APOBEC3D: variants seen among roughly 807,000 people sequenced by gnomAD.
The protein encoded by APOBEC3D is apolipoprotein B mRNA editing enzyme catalytic subunit 3D.
A neutral mutation model predicts 45.6 loss-of-function variants in APOBEC3D; 37 were observed. The ratio of observed to expected loss-of-function variants is 0.81; its 90% CI spans 0.62 to 1.07. The LOEUF (loss-of-function observed/expected upper bound fraction) is 1.07, where lower values mean the gene tolerates loss of function less well. Among genes scored for constraint, APOBEC3D ranks in the 50% least tolerant of loss-of-function variants. The pLI is 0.00. For synonymous variants in APOBEC3D, 175 were observed against 180.7 expected (o/e 0.97, Z 0.25); for missense variants, 496 against 495.3 (o/e 1.00, Z -0.01).
In APOBEC3D at chr22:39,031,981, G is replaced by GT. The variant is rs1211145906; in HGVS notation, c.1042+9dup. 75 of 1,613,924 alleles carry GT rather than the reference G, an allele frequency of 4.6e-5. No homozygotes were observed. The highest frequency in any genetic ancestry group is 2.0e-4 in the South Asian group (18 of 91,082). On this transcript the variant is annotated intron_variant, in intron 6 of 6. Transcript: ENST00000216099. The stretch of plus-strand genomic sequence containing the variant: ...AGATCATGGGCTACAAAGGTGAGAC[G>GT]TGGGGGGCTGAGGAGAGTGGGTGCG...
chr22:39,021,571 G>A (rs374324581), intron 1 of APOBEC3D, 35 bp downstream of exon 1: 9 of 1,611,528 alleles, frequency 5.6e-6, no homozygotes, highest in African/African-American at 4.1e-5. Context: ...GGGCCCCTCC[G>A]GCCCCTTCCT....
rs1244650978 is a variant in APOBEC3D, at chr22:39,033,133, C to T, written c.*817C>T. On this transcript the variant is annotated 3_prime_UTR_variant, in exon 7 of 7. Transcript: ENST00000216099. ...TTGGGAGGATGAAGTGGGAGGACTG[C>T]TTGAGCCGGGGAGGTGGAGGCTGGA... The T allele has an allele frequency of 3.0e-6, 1 of 337,516 alleles. No homozygotes were observed. The highest frequency in any genetic ancestry group is 1.7e-4 in the East Asian group (1 of 5,972). 20.9% of individuals were successfully genotyped at this position (337,516 alleles called of 1,614,324 possible).
chr22:39,031,809 G>T lies in APOBEC3D; in HGVS notation c.878G>T (p.Cys293Phe), dbSNP rs769481115. Reference sequence around the variant, plus strand: ...ACCTGGTACACATCTTGGAGCCCTTGCCCAGAGTGTGCAGGGGAGGTGGCC... The same window carrying T: ...ACCTGGTACACATCTTGGAGCCCTTTCCCAGAGTGTGCAGGGGAGGTGGCC... Reference protein sequence around the residue: ...EVTWYTSWSPCPECAGEVAEF... With the variant: ...EVTWYTSWSPFPECAGEVAEF... The change falls in exon 6 of 7, where the codon TGC becomes TTC. Residue 293 changes from cysteine to phenylalanine, a missense_variant. Coordinates refer to ENST00000216099, the MANE Select transcript of APOBEC3D (RefSeq NM_152426.4). 1.3e-5 allele frequency: 21 copies of T among 1,614,030 alleles called. No individual in the cohort carries two copies. The highest frequency in any genetic ancestry group is 2.7e-5 in the African/African-American group (2 of 74,916).
At chr22:39,023,449 CTTTT>C (rs202241274) in intron 2 of APOBEC3D, among the ~76,000 whole-genome samples, 1 of 133,910 alleles carries the variant, frequency 7.5e-6, no homozygotes, top group African/African-American at 2.8e-5. Flanking sequence ...TTCTTTCTTT[CTTTT>C]TTTTTTTTTT....
chr22:39,026,312 T>A (rs1925660396), intron 4 of APOBEC3D, among the ~76,000 whole-genome samples: 1 of 152,050 alleles, frequency 6.6e-6, no homozygotes, highest in Non-Finnish European at 1.5e-5. Flanking sequence ...ACTCCTGGGG[T>A]CTCTCTGCCT....
Position 39,032,399 on chromosome 22 carries a change from G to C in APOBEC3D, c.*83G>C, listed in dbSNP as rs1601478675. The C allele has an allele frequency of 4.5e-6, 7 of 1,566,284 alleles. No homozygotes were observed. The East Asian group carries it at 1.6e-4, about 35-fold the overall frequency. On this transcript the variant is annotated 3_prime_UTR_variant, in exon 7 of 7. Transcript: ENST00000216099. ...GCCTCCCCTCCATCCTGCACCAGCT[G>C]TGCTTTTGCCTGGTCATCCTGAGCC...
chr22:39,025,598 C>T lies in APOBEC3D; in HGVS notation c.532C>T (p.Gln178Ter). The part of the protein sequence containing the change: ...CWENFVCNEG[Q>*]PFMPWYKFDD... Reference sequence around the variant, plus strand: ...GGAAAACTTTGTGTGCAATGAAGGTCAGCCATTCATGCCTTGGTACAAATT... The same window carrying T: ...GGAAAACTTTGTGTGCAATGAAGGTTAGCCATTCATGCCTTGGTACAAATT... Residue 178 changes from glutamine to a stop codon, truncating the protein, a stop_gained, in exon 4 of 7, where the codon CAG (glutamine) becomes TAG (stop). Transcript: ENST00000216099. LOFTEE classifies it high-confidence loss of function. The T allele has an allele frequency of 6.2e-7, 1 of 1,614,118 alleles. No individual in the cohort carries two copies. Among genetic ancestry groups the T allele is most frequent in the Non-Finnish European group, 8.5e-7 (1 of 1,180,000 alleles).
intron 5 of APOBEC3D, among the ~76,000 whole-genome samples, chr22:39,030,069 G>A (rs541607890): frequency 1.0e-3 from 153 of 150,900 alleles, no homozygotes; most frequent in African/African-American, 3.6e-3. Flanking sequence ...GGAGCTGTGC[G>A]TCCGGCAGTC....
chr22:39,031,890 G>A lies in APOBEC3D; in HGVS notation c.959G>A (p.Cys320Tyr), dbSNP rs61999342. ...CTCACCATCTTCACCGCCCGCCTCT[G>A]CTACTTCTGGGATACAGATTACCAG... The part of the protein sequence containing the change: ...VNLTIFTARL[C>Y]YFWDTDYQEG... The change falls in exon 6 of 7, where the codon TGC (cysteine) becomes TAC (tyrosine). Residue 320 changes from cysteine (C) to tyrosine (Y), a missense_variant. Physicochemically the swap from Cys to Tyr is radical, Grantham distance 194. Coordinates refer to ENST00000216099, the MANE Select transcript of APOBEC3D (RefSeq NM_152426.4). 203 of 1,614,096 alleles carry A rather than the reference G, an allele frequency of 1.3e-4. No homozygotes were observed. In the African/African-American group the frequency reaches 1.7e-3, roughly 13 times the overall value.
chr22:39,027,959 C>G (rs1471910665), intron 4 of APOBEC3D, among the ~76,000 whole-genome samples: 1 of 152,238 alleles, frequency 6.6e-6, no homozygotes, highest in African/African-American at 2.4e-5. Context: ...CATTCCTGAG[C>G]TCAGGAACTG....
Position 39,025,290 on chromosome 22 carries a change from G to T in APOBEC3D, c.431G>T (p.Arg144Leu), listed in dbSNP as rs553533578. The T allele has an allele frequency of 6.2e-7, 1 of 1,613,986 alleles. No individual in the cohort carries two copies. The highest frequency in any genetic ancestry group is 8.5e-7 in the Non-Finnish European group (1 of 1,180,020). Residue 144 changes from arginine to leucine, a missense_variant, in exon 3 of 7, where the codon CGG (arginine) becomes CTG (leucine). Transcript: ENST00000216099. ...TACTACTACCGGGATAGAGATTGGC[G>T]GTGGGTGCTCCTCAGGCTGCATAAG... ...RLYYYRDRDWRWVLLRLHKAG... is the reference protein window; with the variant it reads ...RLYYYRDRDWLWVLLRLHKAG...
intron 4 of APOBEC3D, among the ~76,000 whole-genome samples, chr22:39,026,146 T>G (rs1458552897): frequency 6.6e-6 from 1 of 152,026 alleles, no homozygotes; most frequent in Non-Finnish European, 1.5e-5. Flanking sequence ...CCGGGCCGGG[T>G]GCCCACAGGG....
At position 39,032,206 on chromosome 22, in the gene APOBEC3D, T is replaced by C. The variant is rs1194568181; in HGVS notation, c.1051T>C (p.Ser351Pro). 6.2e-7 allele frequency: 1 copy of C among 1,613,982 alleles called. No homozygotes were observed. Among genetic ancestry groups the C allele is most frequent in the Admixed American group, 1.7e-5 (1 of 59,968 alleles). The change falls in exon 7 of 7, where the codon TCT becomes CCT. Residue 351 changes from serine to proline, a missense_variant. By Grantham distance (74) the Ser-to-Pro change is moderately conservative. Coordinates refer to ENST00000216099, the MANE Select transcript of APOBEC3D (RefSeq NM_152426.4). ...VKIMGYKDFV[S>P]CWKNFVYSDD... ...CCTTGTTTTTTTCTCAGATTTTGTATCTTGTTGGAAAAACTTTGTGTACAG... is the reference window on the plus strand; with the variant it reads ...CCTTGTTTTTTTCTCAGATTTTGTACCTTGTTGGAAAAACTTTGTGTACAG...
chr22:39,029,238 C>G (rs770840029), intron 4 of APOBEC3D, 125 bp from the exon 5 acceptor site: 199 of 1,092,380 alleles, frequency 1.8e-4, no homozygotes, highest in Non-Finnish European at 1.8e-4. Flanking sequence ...GGGAAAGCAG[C>G]AGACATTCCC....
intron 2 of APOBEC3D, among the ~76,000 whole-genome samples, chr22:39,024,268 C>T (rs1316294275): frequency 1.3e-5 from 2 of 152,212 alleles, no homozygotes; most frequent in African/African-American, 2.4e-5. Flanking sequence ...TTCAGATGCT[C>T]AGTAGCGCCC....
intron 6 of APOBEC3D, 22 bp from the exon 7 acceptor site, chr22:39,032,175 CT>C: frequency 1.9e-6 from 3 of 1,612,196 alleles, no homozygotes; most frequent in Non-Finnish European, 2.5e-6. Flanking sequence ...GCCCTCACTG[CT>C]TTCTCCTTGT....
chr22:39,022,983 T>G lies in APOBEC3D; in HGVS notation c.179T>G (p.Leu60Arg). The G allele has an allele frequency of 1.2e-6, 2 of 1,606,996 alleles. No homozygotes were observed. Among genetic ancestry groups the G allele is most frequent in the Non-Finnish European group, 1.7e-6 (2 of 1,176,976 alleles). Residue 60 changes from leucine (L) to arginine (R), a missense_variant, in exon 2 of 7, where the codon CTA (leucine) becomes CGA (arginine). By Grantham distance (102) the Leu-to-Arg change is moderately radical (BLOSUM62 -2). Coordinates refer to ENST00000216099, the MANE Select transcript of APOBEC3D (RefSeq NM_152426.4). ...WDTGVFRGPVLPKRQSNHRQE... is the reference protein window; with the variant it reads ...WDTGVFRGPVRPKRQSNHRQE... ...ACAGGGGTCTTTCGAGGCCCGGTACTACCCAAACGTCAGTCGAATCACAGG... is the reference window on the plus strand; with the variant it reads ...ACAGGGGTCTTTCGAGGCCCGGTACGACCCAAACGTCAGTCGAATCACAGG...
At chr22:39,031,253 A>G (rs1926186693) in intron 5 of APOBEC3D, among the ~76,000 whole-genome samples, 1 of 151,622 alleles carries the variant, frequency 6.6e-6, no homozygotes, top group Non-Finnish European at 1.5e-5. Context: ...CCTACTATGC[A>G]CCCAGAAAAA....
chr22:39,027,379 C>T (rs1354182459), intron 4 of APOBEC3D, among the ~76,000 whole-genome samples: 2 of 152,134 alleles, frequency 1.3e-5, no homozygotes, highest in Non-Finnish European at 2.9e-5. Context: ...CCTCACTCTC[C>T]CTCCCTACCA....
Sources: gnomAD v4.1 joint callset for allele counts (sites outside exome capture counted in the v4.1 genomes callset) on GRCh38, gnomAD v4.1.1 for gene constraint, MANE v1.5 for transcripts, NCBI Gene and HGNC (gene_info 2026-07-23, HGNC 2026-07-21) for gene names.